The following MEMO1 variants were observed in gnomAD, a reference collection of about 807,000 sequenced individuals.
The protein encoded by MEMO1 is protein MEMO1.
A neutral mutation model predicts 45.2 loss-of-function variants in MEMO1; 6 were observed. The observed-to-expected ratio is 0.13, with a 90% CI of 0.07 to 0.26. The LOEUF (loss-of-function observed/expected upper bound fraction) is 0.26, where lower values mean the gene tolerates loss of function less well. Ranked by LOEUF, MEMO1 falls within the 10% of genes least tolerant of loss-of-function variation. The pLI is 1.00. For synonymous variants in MEMO1, 78 were observed against 124.3 expected (o/e 0.63, Z 2.48); for missense variants, 184 against 370.5 (o/e 0.50, Z 4.13).
At chr2:31,989,488 T>G (rs1343114287) in intron 2 of MEMO1, among the ~76,000 whole-genome samples, 1 of 152,146 alleles carries the variant, frequency 6.6e-6, no homozygotes, top group African/African-American at 2.4e-5. Flanking sequence ...TAAACAAATA[T>G]TTTCCAACTG....
At chr2:31,943,191 G>C in intron 3 of MEMO1, 111 bp downstream of exon 3, 1 of 794,468 alleles carries the variant, frequency 1.3e-6, no homozygotes, top group Non-Finnish European at 2.2e-6. Context: ...CTTGAACCTG[G>C]GAGGCGGAGG....
intron 2 of MEMO1, among the ~76,000 whole-genome samples, chr2:31,984,436 T>C (rs552246962): frequency 2.0e-5 from 3 of 152,172 alleles, no homozygotes; most frequent in African/African-American, 7.2e-5. Context: ...AAATTAACAA[T>C]TTGTCACAGA....
intron 7 of MEMO1, among the ~76,000 whole-genome samples, chr2:31,884,515 T>C (rs911533709): frequency 1.3e-5 from 2 of 152,188 alleles, no homozygotes; most frequent in Admixed American, 6.6e-5. Context: ...ACTCTTCGGC[T>C]AGATAATTAA....
chr2:31,960,371 T>A (rs1357655478), intron 2 of MEMO1, among the ~76,000 whole-genome samples: 1 of 152,104 alleles, frequency 6.6e-6, no homozygotes, highest in Non-Finnish European at 1.5e-5. Flanking sequence ...TCTAAGGACA[T>A]CAAAGCAACT....
intron 2 of MEMO1, among the ~76,000 whole-genome samples, chr2:32,000,182 A>T (rs1473980696): frequency 1.3e-5 from 2 of 150,648 alleles, no homozygotes; most frequent in Non-Finnish European, 3.0e-5. Context: ...CACAGCACCC[A>T]GCTCAAGTCT....
At chr2:31,958,173 A>G (rs1260744161) in intron 2 of MEMO1, among the ~76,000 whole-genome samples, 2 of 152,064 alleles carry the variant, frequency 1.3e-5, no homozygotes, top group African/African-American at 4.8e-5. Context: ...AATTAGGGGG[A>G]AAACTAAGTT....
chr2:32,010,163 C>T (rs1389496540), intron 2 of MEMO1, 24 bp downstream of exon 2: 3 of 1,271,766 alleles, frequency 2.4e-6, no homozygotes, highest in Non-Finnish European at 3.1e-6. Flanking sequence ...CGGCGGCGGG[C>T]GGGCCGGCGG....
chr2:31,894,157 A>G (rs927444274), intron 6 of MEMO1, among the ~76,000 whole-genome samples: 2 of 152,216 alleles, frequency 1.3e-5, no homozygotes. Context: ...GAAATCAACT[A>G]AAGGCAAAAA....
At chr2:31,979,005 G>C (rs1386545773) in intron 2 of MEMO1, among the ~76,000 whole-genome samples, 2 of 152,022 alleles carry the variant, frequency 1.3e-5, no homozygotes, top group African/African-American at 4.8e-5. Context: ...CTGCTATAAA[G>C]ATACCACTCA....
At chr2:31,888,833 A>G (rs1676543658) in intron 7 of MEMO1, among the ~76,000 whole-genome samples, 1 of 151,988 alleles carries the variant, frequency 6.6e-6, no homozygotes, top group South Asian at 2.1e-4. Flanking sequence ...AAGAAGGGGG[A>G]TAATGGAATC....
intron 6 of MEMO1, among the ~76,000 whole-genome samples, chr2:31,907,659 G>A (rs1679956956): frequency 6.6e-6 from 1 of 152,074 alleles, no homozygotes; most frequent in African/African-American, 2.4e-5. Context: ...CAGGTGTGGT[G>A]TTGTGCATCT....
chr2:31,912,635 C>CA (rs574888728), intron 6 of MEMO1, among the ~76,000 whole-genome samples: 8 of 149,684 alleles, frequency 5.3e-5, no homozygotes, highest in South Asian at 2.1e-4. Flanking sequence ...TTAATATATG[C>CA]AAAAAAACAG....
At chr2:31,892,158 AAAT>A in intron 6 of MEMO1, 24 bp from the exon 7 acceptor site, 1 of 1,569,416 alleles carries the variant, frequency 6.4e-7, no homozygotes, top group Non-Finnish European at 8.6e-7. Context: ...GAAAAAAAAA[AAAT>A]GTCATTTAAG....
At chr2:31,949,345 G>A (rs1666555468) in intron 2 of MEMO1, among the ~76,000 whole-genome samples, 1 of 152,140 alleles carries the variant, frequency 6.6e-6, no homozygotes, top group African/African-American at 2.4e-5. Context: ...CAATAGCTAA[G>A]ATTGGATGCA....
intron 3 of MEMO1, among the ~76,000 whole-genome samples, chr2:31,933,352 TATATA>T (rs1433463170): frequency 8.2e-4 from 10 of 12,218 alleles, no homozygotes; most frequent in South Asian, 7.7e-3. Flanking sequence ...AAAAAAAATT[TATATA>T]TATATATATA....
At chr2:31,992,180 TA>T (rs1263891327) in intron 2 of MEMO1, among the ~76,000 whole-genome samples, 1 of 152,254 alleles carries the variant, frequency 6.6e-6, no homozygotes, top group Non-Finnish European at 1.5e-5. Flanking sequence ...ACAGAATTCT[TA>T]AGCCTAGGTC....
intron 8 of MEMO1, among the ~76,000 whole-genome samples, chr2:31,871,464 G>C (rs748493773): frequency 6.6e-6 from 1 of 151,170 alleles, no homozygotes; most frequent in Admixed American, 6.6e-5. Flanking sequence ...CAGAATATTC[G>C]ACTCCTTCAC....
intron 2 of MEMO1, among the ~76,000 whole-genome samples, chr2:31,997,645 G>A (rs1672764367): frequency 1.3e-5 from 2 of 152,144 alleles, no homozygotes; most frequent in Non-Finnish European, 2.9e-5. Context: ...TGACATACTT[G>A]GGGAACAGCA....
chr2:31,943,299 T>C lies in MEMO1; in HGVS notation c.143+3A>G. 6.2e-7 allele frequency: 1 copy of C among 1,609,822 alleles called. No homozygotes were observed. The highest frequency in any genetic ancestry group is 8.5e-7 in the Non-Finnish European group (1 of 1,176,246). On this transcript the variant is annotated splice_donor_region_variant and intron_variant, in intron 3 of 9. Coordinates refer to ENST00000404530, the MANE Select transcript of MEMO1 (RefSeq NM_001301833.4). ...AACAAAAACAAAAACAAAAAAGACTTACGGGGCAATAATGGCTCTAGCAGG... is the reference window on the plus strand; with the variant it reads ...AACAAAAACAAAAACAAAAAAGACTCACGGGGCAATAATGGCTCTAGCAGG...
Sources: gnomAD v4.1 joint callset for allele counts (sites outside exome capture counted in the v4.1 genomes callset) on GRCh38, gnomAD v4.1.1 for gene constraint, MANE v1.5 for transcripts, NCBI Gene and HGNC (gene_info 2026-07-23, HGNC 2026-07-21) for gene names.